SLC25A32: variants seen among roughly 807,000 people sequenced by gnomAD.
SLC25A32 encodes solute carrier family 25 member 32.
A neutral mutation model predicts 39.0 loss-of-function variants in SLC25A32; 32 were observed. That is an observed-to-expected ratio of 0.82 (90% CI 0.62 to 1.10). The LOEUF (loss-of-function observed/expected upper bound fraction) is 1.10, where lower values mean the gene tolerates loss of function less well. Among genes scored for constraint, SLC25A32 ranks in the 50% least tolerant of loss-of-function variants. SLC25A32 has a pLI of 0.00. For missense variants in SLC25A32, 367 were observed against 395.3 expected, an observed-to-expected ratio of 0.93 and a Z score of 0.61; for synonymous variants, 166 against 152.4, an observed-to-expected ratio of 1.09 and a Z score of -0.66.
intron 1 of SLC25A32, among the ~76,000 whole-genome samples, chr8:103,410,972 C>A (rs528375303): frequency 6.6e-6 from 1 of 152,192 alleles, no homozygotes; most frequent in Non-Finnish European, 1.5e-5. Flanking sequence ...TAATCTCCCC[C>A]CTACCTGTGC....
Position 103,401,628 on chromosome 8 carries a change from A to G in SLC25A32, c.700T>C (p.Ser234Pro), listed in dbSNP as rs770819305. The change falls in exon 6 of 7, where the codon TCC (serine) becomes CCC (proline). Residue 234 changes from serine to proline, a missense_variant. Transcript: ENST00000297578. ...TVEYISVAALSKIFAVAATYP... is the reference protein window; with the variant it reads ...TVEYISVAALPKIFAVAATYP... ...GTTGCTGCGACAGCAAATATTTTGGATAGTGCTGCAACAGATATATATTCT... is the reference window on the plus strand; with the variant it reads ...GTTGCTGCGACAGCAAATATTTTGGGTAGTGCTGCAACAGATATATATTCT... The G allele has an allele frequency of 4.3e-6, 7 of 1,613,262 alleles. No homozygotes were observed. Among genetic ancestry groups the G allele is most frequent in the Non-Finnish European group, 5.9e-6 (7 of 1,179,628 alleles).
chr8:103,406,931 C>A (rs1816346280), intron 2 of SLC25A32, among the ~76,000 whole-genome samples: 1 of 152,176 alleles, frequency 6.6e-6, no homozygotes, highest in Admixed American at 6.5e-5. Context: ...GAAAAAATAA[C>A]TTAGTTATTT....
At chr8:103,409,924 T>C (rs1236921601) in intron 1 of SLC25A32, among the ~76,000 whole-genome samples, 1 of 152,190 alleles carries the variant, frequency 6.6e-6, no homozygotes, top group East Asian at 1.9e-4. Flanking sequence ...ACCGGGTTTT[T>C]TGAGGTTTAT....
chr8:103,409,936 T>C (rs370894539), intron 1 of SLC25A32, among the ~76,000 whole-genome samples: 2 of 152,298 alleles, frequency 1.3e-5, no homozygotes, highest in East Asian at 3.9e-4. Context: ...GAGGTTTATA[T>C]AAGACAACAA....
chr8:103,411,527 C>T (rs1291380505), intron 1 of SLC25A32, among the ~76,000 whole-genome samples: 1 of 152,062 alleles, frequency 6.6e-6, no homozygotes, highest in Non-Finnish European at 1.5e-5. Flanking sequence ...CTTTGGAGTT[C>T]TCTCTTTCTT....
Position 103,404,856 on chromosome 8 carries a change from T to C in SLC25A32, c.311A>G (p.Asn104Ser), listed in dbSNP as rs1816295061. The C allele has an allele frequency of 6.2e-7, 1 of 1,607,028 alleles. No homozygotes were observed. Among genetic ancestry groups the C allele is most frequent in the Non-Finnish European group, 8.5e-7 (1 of 1,173,922 alleles). ...LSWGLYFFFYNAIKSYKTEGR... is the reference protein window; with the variant it reads ...LSWGLYFFFYSAIKSYKTEGR... Reference sequence around the variant, plus strand: ...TTCTGTTTTATATGACTTGATGGCATTGTAACTAAAAGAATTAAATGTGAG... The same window carrying C: ...TTCTGTTTTATATGACTTGATGGCACTGTAACTAAAAGAATTAAATGTGAG... Residue 104 changes from asparagine to serine, a missense_variant, in exon 3 of 7, where the codon AAT becomes AGT. By Grantham distance (46) the Asn-to-Ser change is conservative. Coordinates refer to ENST00000297578, the MANE Select transcript of SLC25A32 (RefSeq NM_030780.5).
At chr8:103,414,711 C>A in intron 1 of SLC25A32, 73 bp downstream of exon 1, 1 of 1,592,702 alleles carries the variant, frequency 6.3e-7, no homozygotes, top group Non-Finnish European at 8.6e-7. Context: ...CCCCCTAGAA[C>A]GGAAAAGACG....
intron 1 of SLC25A32, 78 bp downstream of exon 1, chr8:103,414,706 T>A: frequency 6.3e-7 from 1 of 1,589,094 alleles, no homozygotes; most frequent in South Asian, 1.1e-5. Context: ...CTCCTCCCCC[T>A]AGAACGGAAA....
In SLC25A32 at chr8:103,414,308, A is replaced by C. The variant is rs570064935; in HGVS notation, c.154+476T>G. 3.0e-4 allele frequency among the ~76,000 whole-genome samples: 46 copies of C among 152,332 alleles called. No homozygotes were observed. The South Asian group carries it at 4.3e-3, about 14-fold the overall frequency. On this transcript the variant is annotated intron_variant, in intron 1 of 6. Transcript: ENST00000297578. The stretch of plus-strand genomic sequence containing the variant: ...TCACAGAAACTTGTACCATTCTACA[A>C]ATGCCAAAAAACAAACATTCAAGAG...
chr8:103,404,634 A>C (rs900731670), intron 3 of SLC25A32, 142 bp downstream of exon 3: 6 of 570,528 alleles, frequency 1.1e-5, no homozygotes, highest in South Asian at 2.5e-5. Context: ...AACAAACAAA[A>C]AAAACAGAAA....
Position 103,400,313 on chromosome 8 carries a change from T to C in SLC25A32, c.*98A>G. 7.2e-7 allele frequency: 1 copy of C among 1,395,076 alleles called. No individual in the cohort carries two copies. Among genetic ancestry groups the C allele is most frequent in the Non-Finnish European group, 1.0e-6 (1 of 1,003,350 alleles). 86.4% of individuals were successfully genotyped at this position (1,395,076 alleles called of 1,614,324 possible). A position where few individuals can be genotyped will look rare whatever the true frequency, so the allele number is the denominator to read the frequency against. On this transcript the variant is annotated 3_prime_UTR_variant, in exon 7 of 7. Coordinates refer to ENST00000297578, the MANE Select transcript of SLC25A32 (RefSeq NM_030780.5). Reference sequence around the variant, plus strand: ...AATGACTATAGAGCAATTTCGAATATGAGCCATGTTTCTATGCAGAATTCT... The same window carrying C: ...AATGACTATAGAGCAATTTCGAATACGAGCCATGTTTCTATGCAGAATTCT...
chr8:103,413,340 A>G (rs1434921896), intron 1 of SLC25A32, among the ~76,000 whole-genome samples: 1 of 152,220 alleles, frequency 6.6e-6, no homozygotes, highest in African/African-American at 2.4e-5. Context: ...AATTCTTCCA[A>G]TGTTCAAACC....
intron 1 of SLC25A32, among the ~76,000 whole-genome samples, chr8:103,410,306 G>T (rs897068616): frequency 1.3e-5 from 2 of 152,204 alleles, no homozygotes; most frequent in African/African-American, 4.8e-5. Context: ...GTTAGGAATT[G>T]GGTCACACAG....
chr8:103,401,739 A>C, intron 5 of SLC25A32, 78 bp from the exon 6 acceptor site: 1 of 1,284,392 alleles, frequency 7.8e-7, no homozygotes, highest in South Asian at 1.5e-5. Flanking sequence ...TATATACAAA[A>C]AACATTTAAA....
Position 103,404,817 on chromosome 8 carries a change from CGT to C in SLC25A32, c.348_349del (p.Arg117PhefsTer12). The C allele has an allele frequency of 1.2e-6, 2 of 1,613,006 alleles. No homozygotes were observed. The highest frequency in any genetic ancestry group is 1.7e-6 in the Non-Finnish European group (2 of 1,179,132). On this transcript the variant is annotated frameshift_variant, in exon 3 of 7. Coordinates refer to ENST00000297578, the MANE Select transcript of SLC25A32 (RefSeq NM_030780.5). LOFTEE classifies it high-confidence loss of function. ...GACAAGGTATTCTGTTGCCTCTAAA[CGT>C]TCAGCTCTTCCTTCTGTTTTATATG...
chr8:103,414,746 G>A (rs1172723054), intron 1 of SLC25A32, 38 bp downstream of exon 1: 6 of 1,612,208 alleles, frequency 3.7e-6, no homozygotes, highest in Admixed American at 3.3e-5. Context: ...CGGGCTGACA[G>A]TGAGAGGATG....
chr8:103,413,928 T>C (rs981310920), intron 1 of SLC25A32, among the ~76,000 whole-genome samples: 1 of 152,278 alleles, frequency 6.6e-6, no homozygotes, highest in Admixed American at 6.5e-5. Context: ...TTACCTTTTA[T>C]ATGACTAAGT....
At chr8:103,401,875 CA>C in intron 5 of SLC25A32, 65 bp downstream of exon 5, 2 of 1,355,284 alleles carry the variant, frequency 1.5e-6, no homozygotes, top group African/African-American at 1.5e-5. Flanking sequence ...GTAAGCATGA[CA>C]AAAATTTCTA....
intron 2 of SLC25A32, among the ~76,000 whole-genome samples, chr8:103,406,065 G>GTGTGTATATATATA (rs372284581): frequency 1.2e-3 from 177 of 144,236 alleles, no homozygotes; most frequent in Non-Finnish European, 1.6e-3. Context: ...GTGTGTGTGT[G>GTGTGTATATATATA]TATATATATA....
Sources: gnomAD v4.1 joint callset for allele counts (sites outside exome capture counted in the v4.1 genomes callset) on GRCh38, gnomAD v4.1.1 for gene constraint, MANE v1.5 for transcripts, NCBI Gene and HGNC (gene_info 2026-07-23, HGNC 2026-07-21) for gene names.